Variants in TGFBR3 observed in about 807,000 individuals in gnomAD.
TGFBR3 encodes the protein transforming growth factor beta receptor 3, also known as transforming growth factor beta receptor type 3.
Under a neutral mutation model 87.9 loss-of-function variants are expected in TGFBR3, and 46 were observed. That is an observed-to-expected ratio of 0.52 (90% CI 0.41 to 0.67). The LOEUF (loss-of-function observed/expected upper bound fraction) is 0.67. Among genes scored for constraint, TGFBR3 ranks in the 30% least tolerant of loss-of-function variants. TGFBR3 has a pLI of 0.00. For synonymous variants in TGFBR3, 381 were observed against 391.6 expected (o/e 0.97, Z 0.32); for missense variants, 866 against 1,041.9 (o/e 0.83, Z 2.32).
intron 5 of TGFBR3, among the ~76,000 whole-genome samples, chr1:91,734,468 C>T (rs1334152041): frequency 6.6e-6 from 1 of 152,192 alleles, no homozygotes; most frequent in African/African-American, 2.4e-5. Flanking sequence ...AGCTTCTCAC[C>T]TCCACTTACT....
chr1:91,712,980 G>A (rs1295178120), intron 12 of TGFBR3, among the ~76,000 whole-genome samples: 1 of 152,196 alleles, frequency 6.6e-6, no homozygotes, highest in African/African-American at 2.4e-5. Flanking sequence ...ATAGAGTTCA[G>A]CGGCAAAATC....
At chr1:91,835,863 A>G (rs1677044190) in intron 2 of TGFBR3, among the ~76,000 whole-genome samples, 1 of 149,874 alleles carries the variant, frequency 6.7e-6, no homozygotes, top group Admixed American at 6.7e-5. Flanking sequence ...AAGCCAACAT[A>G]CCACTAGAAC....
At chr1:91,738,794 T>C (rs574264486) in intron 4 of TGFBR3, among the ~76,000 whole-genome samples, 2 of 152,350 alleles carry the variant, frequency 1.3e-5, no homozygotes, top group South Asian at 4.1e-4. Flanking sequence ...CCTACTCCAT[T>C]GTTCTCCATG....
At chr1:91,839,582 G>C (rs779657747) in intron 2 of TGFBR3, among the ~76,000 whole-genome samples, 1 of 152,118 alleles carries the variant, frequency 6.6e-6, no homozygotes, top group Non-Finnish European at 1.5e-5. Flanking sequence ...GCCCTGAAAA[G>C]AGGACATCAC....
chr1:91,824,230 G>C (rs1676553765), intron 2 of TGFBR3, among the ~76,000 whole-genome samples: 1 of 152,188 alleles, frequency 6.6e-6, no homozygotes, highest in Non-Finnish European at 1.5e-5. Flanking sequence ...ATGTAGTACA[G>C]AACACAGACT....
intron 1 of TGFBR3, among the ~76,000 whole-genome samples, chr1:91,877,521 G>A (rs1678850891): frequency 6.6e-6 from 1 of 152,096 alleles, no homozygotes; most frequent in Non-Finnish European, 1.5e-5. Context: ...CAGGAATTTA[G>A]TAGAATTGGT....
chr1:91,768,184 C>T (rs973974286), intron 3 of TGFBR3, among the ~76,000 whole-genome samples: 30 of 146,446 alleles, frequency 2.0e-4, no homozygotes, highest in Non-Finnish European at 3.9e-4. Context: ...TGCACTCCAG[C>T]CTGGGCAACA....
intron 4 of TGFBR3, among the ~76,000 whole-genome samples, chr1:91,753,213 CT>C (rs1673616026): frequency 6.6e-6 from 1 of 150,944 alleles, no homozygotes; most frequent in African/African-American, 2.4e-5. Flanking sequence ...TGGCAAAACC[CT>C]ATCTCTACAA....
chr1:91,826,532 G>T (rs1676643939), intron 2 of TGFBR3, among the ~76,000 whole-genome samples: 1 of 152,066 alleles, frequency 6.6e-6, no homozygotes, highest in Non-Finnish European at 1.5e-5. Flanking sequence ...GACATACTGG[G>T]TGTCTGGGGA....
chr1:91,785,527 C>G (rs532849146), intron 3 of TGFBR3, among the ~76,000 whole-genome samples: 2 of 152,290 alleles, frequency 1.3e-5, no homozygotes, highest in East Asian at 3.9e-4. Flanking sequence ...TTTAAAAACA[C>G]AAACAGGCAG....
intron 16 of TGFBR3, among the ~76,000 whole-genome samples, chr1:91,694,067 T>C (rs1029256752): frequency 6.6e-6 from 1 of 152,116 alleles, no homozygotes; most frequent in Non-Finnish European, 1.5e-5. Flanking sequence ...AGTGGCACCA[T>C]CACAGCTCAC....
chr1:91,837,158 A>T (rs1271805158), intron 2 of TGFBR3, among the ~76,000 whole-genome samples: 2 of 152,014 alleles, frequency 1.3e-5, no homozygotes, highest in African/African-American at 2.4e-5. Flanking sequence ...AGACCTAATA[A>T]TTTTTTTTAA....
chr1:91,817,438 A>G (rs1676274080), intron 2 of TGFBR3, among the ~76,000 whole-genome samples: 1 of 152,258 alleles, frequency 6.6e-6, no homozygotes, highest in South Asian at 2.1e-4. Flanking sequence ...AAAAGAAAAA[A>G]TAAAGAACAC....
chr1:91,749,622 T>C (rs767660887), intron 4 of TGFBR3, among the ~76,000 whole-genome samples: 5 of 152,114 alleles, frequency 3.3e-5, no homozygotes, highest in Non-Finnish European at 7.4e-5. Flanking sequence ...ACAACCTGTG[T>C]CCAGGAAGGA....
intron 3 of TGFBR3, among the ~76,000 whole-genome samples, chr1:91,773,177 G>A (rs1674442061): frequency 1.3e-5 from 2 of 152,070 alleles, no homozygotes; most frequent in South Asian, 2.1e-4. Context: ...ACAAGAGTTT[G>A]AGACCAGCCT....
rs546630084 is a variant in TGFBR3, at chr1:91,685,973, A to G, written c.2438-2116T>C. Reference sequence around the variant, plus strand: ...GCTATGCATGAACCACATTTTAAAAATATTTTTTCCTATTTTAATAAGGAT... The same window carrying G: ...GCTATGCATGAACCACATTTTAAAAGTATTTTTTCCTATTTTAATAAGGAT... On this transcript the variant is annotated intron_variant, in intron 16 of 16. Transcript: ENST00000212355. Among the ~76,000 whole-genome samples the G allele has an allele frequency of 6.6e-5, 10 of 152,314 alleles. No individual in the cohort carries two copies. In the South Asian group the frequency reaches 1.5e-3, roughly 22 times the overall value.
At chr1:91,721,623 G>A (rs1196125393) in intron 8 of TGFBR3, among the ~76,000 whole-genome samples, 1 of 152,118 alleles carries the variant, frequency 6.6e-6, no homozygotes, top group East Asian at 1.9e-4. Context: ...CTTTTACCAT[G>A]AACTTCTTTC....
At chr1:91,716,193 C>T in intron 12 of TGFBR3, 43 bp downstream of exon 12, 4 of 1,612,374 alleles carry the variant, frequency 2.5e-6, no homozygotes, top group South Asian at 1.1e-5. Context: ...GAACTATAGC[C>T]CAGCACTAAC....
intron 1 of TGFBR3, among the ~76,000 whole-genome samples, chr1:91,868,368 A>G (rs981392259): frequency 5.3e-5 from 8 of 152,218 alleles, no homozygotes; most frequent in African/African-American, 1.7e-4. Flanking sequence ...TTGAGATTAG[A>G]CTTTATCATC....
Sources: gnomAD v4.1 joint callset for allele counts (sites outside exome capture counted in the v4.1 genomes callset) on GRCh38, gnomAD v4.1.1 for gene constraint, MANE v1.5 for transcripts, NCBI Gene and HGNC (gene_info 2026-07-23, HGNC 2026-07-21) for gene names.